Variants in NUP210 observed in about 807,000 individuals in gnomAD.
NUP210 encodes the protein nucleoporin 210.
Under a neutral mutation model 196.0 loss-of-function variants are expected in NUP210, and 151 were observed. The ratio of observed to expected loss-of-function variants is 0.77; its 90% CI spans 0.67 to 0.88. The LOEUF (loss-of-function observed/expected upper bound fraction) is 0.88. Ranked by LOEUF, NUP210 falls within the 40% of genes least tolerant of loss-of-function variation. The pLI is 0.00. For missense variants in NUP210, 2,314 were observed against 2,493.7 expected, an observed-to-expected ratio of 0.93 and a Z score of 1.53; for synonymous variants, 1,070 against 1,052.7, an observed-to-expected ratio of 1.02 and a Z score of -0.32.
chr3:13,320,809 A>G (rs1406352251), intron 36 of NUP210, among the ~76,000 whole-genome samples: 1 of 150,886 alleles, frequency 6.6e-6, no homozygotes, highest in Non-Finnish European at 1.5e-5. Context: ...GGAGAATGGC[A>G]TGAACCTGGG....
At chr3:13,318,515 G>A in intron 39 of NUP210, among the ~76,000 whole-genome samples, 1 of 152,160 alleles carries the variant, frequency 6.6e-6, no homozygotes, top group East Asian at 1.9e-4. Context: ...CCCTCAAATG[G>A]GAATCAGGAG....
rs779842622 is a variant in NUP210 at position 13,376,398 on chromosome 3, A to G, written c.1186T>C (p.Phe396Leu). The stretch of plus-strand genomic sequence containing the variant: ...TGGGAGGACGAGAGCACCTCGAAGA[A>G]CTCAGCAGGAAGCACAGTTTCAATT... ...IRIETVLPAE[F>L]FEVLSSSQNG... The change falls in exon 10 of 40, where the codon TTC (phenylalanine) becomes CTC (leucine). Residue 396 changes from phenylalanine (F) to leucine (L), a missense_variant. Coordinates refer to ENST00000254508, the MANE Select transcript of NUP210 (RefSeq NM_024923.4). The G allele has an allele frequency of 2.5e-5, 41 of 1,614,124 alleles. No individual in the cohort carries two copies. The East Asian group carries it at 8.9e-4, about 35-fold the overall frequency.
chr3:13,412,944 C>T (rs2124965252), intron 1 of NUP210, among the ~76,000 whole-genome samples: 1 of 151,924 alleles, frequency 6.6e-6, no homozygotes, highest in Admixed American at 6.6e-5. Flanking sequence ...GCACTCCAAC[C>T]TGATCAACAG....
chr3:13,398,155 G>C (rs1319322612), intron 2 of NUP210, among the ~76,000 whole-genome samples: 2 of 152,176 alleles, frequency 1.3e-5, no homozygotes, highest in Admixed American at 1.3e-4. Context: ...AGTATTCAAG[G>C]TTGGCCAGGT....
chr3:13,361,220 T>C (rs1182057579), intron 14 of NUP210, among the ~76,000 whole-genome samples: 1 of 152,246 alleles, frequency 6.6e-6, no homozygotes, highest in Non-Finnish European at 1.5e-5. Flanking sequence ...GTGAGTTTTG[T>C]GGCACCTAGA....
At chr3:13,365,076 T>C (rs545581872) in intron 14 of NUP210, among the ~76,000 whole-genome samples, 2 of 152,010 alleles carry the variant, frequency 1.3e-5, no homozygotes, top group East Asian at 3.9e-4. Context: ...CAACAAACCC[T>C]CTCTGCGCCT....
chr3:13,344,687 G>A (rs1413820549), intron 20 of NUP210, among the ~76,000 whole-genome samples: 1 of 152,160 alleles, frequency 6.6e-6, no homozygotes, highest in Non-Finnish European at 1.5e-5. Context: ...TGTAAAGCCT[G>A]GTATGGCCTG....
Position 13,407,796 on chromosome 3 carries a change from T to G in NUP210, c.168-7935A>C, listed in dbSNP as rs1482081090. ...GAGGTCTTTAAGGCATTCATCCACT[T>G]ATTGAAACCATAAATACTGGGCTAT... is the stretch of plus-strand genomic sequence containing the variant. On this transcript the variant is annotated intron_variant, in intron 1 of 39. Coordinates refer to ENST00000254508, the MANE Select transcript of NUP210 (RefSeq NM_024923.4). Among the ~76,000 whole-genome samples, 6 of 152,276 alleles carry G rather than the reference T, an allele frequency of 3.9e-5. No individual in the cohort carries two copies. In the East Asian group the frequency reaches 9.6e-4, roughly 24 times the overall value.
chr3:13,321,900 C>T (rs1408943953), intron 35 of NUP210, 65 bp from the exon 36 acceptor site: 2 of 1,559,786 alleles, frequency 1.3e-6, no homozygotes, highest in African/African-American at 1.3e-5. Context: ...CATTTCTTCT[C>T]CCTGCTTCTC....
At chr3:13,399,963 AC>A in intron 1 of NUP210, 102 bp from the exon 2 acceptor site, 2 of 1,395,810 alleles carry the variant, frequency 1.4e-6, no homozygotes, top group African/African-American at 1.5e-5. Flanking sequence ...GCAGTCCTGG[AC>A]CCAAAGACAG....
intron 1 of NUP210, among the ~76,000 whole-genome samples, chr3:13,403,368 C>A (rs566382082): frequency 1.3e-5 from 2 of 152,302 alleles, no homozygotes; most frequent in African/African-American, 4.8e-5. Flanking sequence ...GCAGAAGGGG[C>A]GAGGGAGCTC....
At chr3:13,371,521 C>T (rs574223790) in intron 13 of NUP210, among the ~76,000 whole-genome samples, 3 of 152,210 alleles carry the variant, frequency 2.0e-5, no homozygotes, top group African/African-American at 4.8e-5. Flanking sequence ...CTATTGACAA[C>T]GCATTCTGAA....
chr3:13,364,506 G>C (rs1698466201), intron 14 of NUP210, among the ~76,000 whole-genome samples: 3 of 152,214 alleles, frequency 2.0e-5, no homozygotes, highest in Admixed American at 6.5e-5. Flanking sequence ...GCCAGGCACT[G>C]AACCCAGGGC....
Position 13,328,887 on chromosome 3 carries a change from C to T in NUP210, c.4170G>A (p.Lys1390=), listed in dbSNP as rs1254033861. The change falls in exon 31 of 40, where the codon AAG becomes AAA. Residue 1390 remains lysine (K), a synonymous_variant. Coordinates refer to ENST00000254508, the MANE Select transcript of NUP210 (RefSeq NM_024923.4). Reference sequence around the variant, plus strand: ...CCAAAGGCACGGCCACCAGGGCCTCCTTGTTCTGGGTGTGCAGGACAGGGC... The same window carrying T: ...CCAAAGGCACGGCCACCAGGGCCTCTTTGTTCTGGGTGTGCAGGACAGGGC... The part of the protein sequence containing the change: ...SMSPVLHTQN[K]EALVAVPLGM... 1 of 1,613,912 alleles carries T rather than the reference C, an allele frequency of 6.2e-7. No homozygotes were observed. Among genetic ancestry groups the T allele is most frequent in the Non-Finnish European group, 8.5e-7 (1 of 1,179,960 alleles).
intron 1 of NUP210, among the ~76,000 whole-genome samples, chr3:13,403,148 G>T (rs1166722648): frequency 6.6e-6 from 1 of 152,198 alleles, no homozygotes; most frequent in Admixed American, 6.5e-5. Flanking sequence ...CTGACATGTA[G>T]TACTGGCTGC....
chr3:13,327,678 C>G (rs1696823254), intron 31 of NUP210, among the ~76,000 whole-genome samples: 1 of 152,226 alleles, frequency 6.6e-6, no homozygotes, highest in Non-Finnish European at 1.5e-5. Flanking sequence ...CGCAGCCAAA[C>G]AGTGGCAGCA....
At chr3:13,383,966 TTTTG>T (rs1393016324) in intron 6 of NUP210, among the ~76,000 whole-genome samples, 3 of 151,858 alleles carry the variant, frequency 2.0e-5, no homozygotes, top group African/African-American at 4.8e-5. Flanking sequence ...AAGGCCCTGT[TTTTG>T]TTTGTTTGTT....
At chr3:13,318,105 C>A (rs140923853) in intron 39 of NUP210, among the ~76,000 whole-genome samples, 2 of 152,186 alleles carry the variant, frequency 1.3e-5, no homozygotes, top group African/African-American at 4.8e-5. Flanking sequence ...AATGCAGCCT[C>A]GGGCAAGAGC....
At chr3:13,352,026 C>T (rs371407822) in intron 19 of NUP210, 46 bp from the exon 20 acceptor site, 128 of 1,603,186 alleles carry the variant, frequency 8.0e-5, no homozygotes, top group Non-Finnish European at 1.0e-4. Context: ...TGTGGGAGGG[C>T]GAGGAGTCCC....
Sources: gnomAD v4.1 joint callset for allele counts (sites outside exome capture counted in the v4.1 genomes callset) on GRCh38, gnomAD v4.1.1 for gene constraint, MANE v1.5 for transcripts, NCBI Gene and HGNC (gene_info 2026-07-23, HGNC 2026-07-21) for gene names.